The following ANKFN1 variants were observed in gnomAD, a reference collection of about 807,000 sequenced individuals.
The protein encoded by ANKFN1 is ankyrin repeat and fibronectin type III domain containing 1.
Under a neutral mutation model 108.7 loss-of-function variants are expected in ANKFN1, and 74 were observed. That is an observed-to-expected ratio of 0.68 (90% CI 0.56 to 0.83). ANKFN1 has a LOEUF of 0.83. Ranked by LOEUF, ANKFN1 falls within the 40% of genes least tolerant of loss-of-function variation. The pLI is 0.00. For missense variants in ANKFN1, 1,505 were observed against 1,382.3 expected (o/e 1.09, Z -1.41); for synonymous variants, 547 against 516.2 (o/e 1.06, Z -0.81).
chr17:56,354,140 G>A (rs1020706404), intron 6 of ANKFN1, 94 bp downstream of exon 6: 2 of 1,215,110 alleles, frequency 1.6e-6, no homozygotes, highest in Non-Finnish European at 2.3e-6. Context: ...GAGCAGGAAT[G>A]GTTGACTAAG....
chr17:56,127,505 G>T (rs1392147383), intron 4 of ANKFN1, among the ~76,000 whole-genome samples: 1 of 152,006 alleles, frequency 6.6e-6, no homozygotes, highest in African/African-American at 2.4e-5. Flanking sequence ...GTAGAGACGG[G>T]GTTTTGCCAT....
chr17:56,227,950 A>C lies in ANKFN1; in HGVS notation c.46A>C (p.Ser16Arg), dbSNP rs1432659504. 6.2e-7 allele frequency: 1 copy of C among 1,606,358 alleles called. No individual in the cohort carries two copies. The highest frequency in any genetic ancestry group is 8.5e-7 in the Non-Finnish European group (1 of 1,177,698). The change falls in exon 3 of 21, where the codon AGC (serine) becomes CGC (arginine). Residue 16 changes from serine (S) to arginine (R), a missense_variant. Physicochemically the swap from Ser to Arg is moderately radical, Grantham distance 110. Coordinates refer to ENST00000682825, the MANE Select transcript of ANKFN1 (RefSeq NM_001370326.1). ...LLFKDRHFTC[S>R]KIIGRRFACF... ...CTTTAAAGACAGGCATTTTACTTGC[A>C]GCAAAATGTAAGTACATTTCCTCCT...
intron 4 of ANKFN1, among the ~76,000 whole-genome samples, chr17:56,099,384 A>G (rs546664617): frequency 6.6e-6 from 1 of 152,288 alleles, no homozygotes; most frequent in African/African-American, 2.4e-5. Context: ...AGTTGGTACT[A>G]TCTTAGAATT....
intron 4 of ANKFN1, among the ~76,000 whole-genome samples, chr17:56,073,896 A>G (rs1905148889): frequency 6.6e-6 from 1 of 152,190 alleles, no homozygotes; most frequent in Non-Finnish European, 1.5e-5. Context: ...TGATTTGTGT[A>G]TCTATCCATT....
intron 8 of ANKFN1, among the ~76,000 whole-genome samples, chr17:56,406,463 CAA>C (rs1054740931): frequency 1.3e-5 from 2 of 152,010 alleles, no homozygotes; most frequent in Non-Finnish European, 2.9e-5. Flanking sequence ...TAAATTTCCC[CAA>C]AAGAGTCTTT....
intron 3 of ANKFN1, chr17:56,323,232 A>G (rs908170141): frequency 6.6e-6 from 1 of 152,206 alleles, no homozygotes; most frequent in African/African-American, 2.4e-5. Flanking sequence ...GGGGAGGAGT[A>G]GAAGGAAAGA....
At chr17:56,303,851 ATTTTTT>A (rs34077118) in intron 3 of ANKFN1, among the ~76,000 whole-genome samples, 2 of 131,944 alleles carry the variant, frequency 1.5e-5, no homozygotes, top group African/African-American at 2.9e-5. Flanking sequence ...CGCTGAGCCA[ATTTTTT>A]TTTTTTTTTT....
chr17:56,397,227 T>A (rs1392865188), intron 8 of ANKFN1, among the ~76,000 whole-genome samples: 1 of 152,060 alleles, frequency 6.6e-6, no homozygotes, highest in Non-Finnish European at 1.5e-5. Flanking sequence ...CAGGAACACA[T>A]CCATGAATGC....
chr17:56,152,265 TG>T (rs879707263), upstream of ANKFN1, among the ~76,000 whole-genome samples: 1 of 61,830 alleles, frequency 1.6e-5, no homozygotes, highest in Non-Finnish European at 4.6e-5. Context: ...TATATATATG[TG>T]TGTGTGTGTG....
At chr17:56,407,189 A>G (rs937904888) in intron 8 of ANKFN1, among the ~76,000 whole-genome samples, 5 of 152,194 alleles carry the variant, frequency 3.3e-5, no homozygotes, top group Admixed American at 2.6e-4. Context: ...CAAAATCTGT[A>G]TCTGATTAAA....
chr17:56,218,407 A>C (rs1215530385), intron 2 of ANKFN1, among the ~76,000 whole-genome samples: 1 of 152,158 alleles, frequency 6.6e-6, no homozygotes, highest in Non-Finnish European at 1.5e-5. Context: ...TGGCTTTCAG[A>C]ATAATGTTCA....
chr17:56,317,173 TA>T lies in ANKFN1; in HGVS notation c.54-9047del, dbSNP rs576369014. Among the ~76,000 whole-genome samples, 29 of 152,290 alleles carry T rather than the reference TA, an allele frequency of 1.9e-4. No individual in the cohort carries two copies. In the East Asian group the frequency reaches 5.6e-3, roughly 29 times the overall value. On this transcript the variant is annotated intron_variant, in intron 3 of 20. Coordinates refer to ENST00000682825, the MANE Select transcript of ANKFN1 (RefSeq NM_001370326.1). Reference sequence around the variant, plus strand: ...ATGGCTTCTTGACATCATAACATGTTAGAGCTAGAAGTGACTTTCAACGTCA... The same window carrying T: ...ATGGCTTCTTGACATCATAACATGTTGAGCTAGAAGTGACTTTCAACGTCA...
At chr17:56,071,816 T>G (rs1905124273) in intron 4 of ANKFN1, among the ~76,000 whole-genome samples, 2 of 152,182 alleles carry the variant, frequency 1.3e-5, no homozygotes, top group African/African-American at 4.8e-5. Flanking sequence ...AGAAATGGAT[T>G]TAGACTCTAA....
intron 15 of ANKFN1, among the ~76,000 whole-genome samples, chr17:56,469,815 G>A (rs931029873): frequency 7.9e-5 from 12 of 151,282 alleles, no homozygotes; most frequent in African/African-American, 2.9e-4. Context: ...AAGTTCCAGG[G>A]TACAAGTGCA....
intron 4 of ANKFN1, among the ~76,000 whole-genome samples, chr17:56,125,483 A>G (rs1906868368): frequency 1.3e-5 from 2 of 152,224 alleles, no homozygotes; most frequent in Non-Finnish European, 2.9e-5. Context: ...AAGGGTGAGT[A>G]GGACTTCCAT....
At chr17:56,392,880 G>T (rs1489394443) in intron 8 of ANKFN1, among the ~76,000 whole-genome samples, 1 of 151,912 alleles carries the variant, frequency 6.6e-6, no homozygotes, top group Non-Finnish European at 1.5e-5. Flanking sequence ...TATATGCCTC[G>T]CATTGTGCCA....
intron 8 of ANKFN1, among the ~76,000 whole-genome samples, chr17:56,413,089 G>A (rs572440715): frequency 2.0e-4 from 30 of 152,168 alleles, no homozygotes; most frequent in East Asian, 3.9e-4. Flanking sequence ...GCCTCGAAGC[G>A]TAACATTAGG....
At chr17:56,412,613 G>A (rs1230308294) in intron 8 of ANKFN1, among the ~76,000 whole-genome samples, 1 of 152,154 alleles carries the variant, frequency 6.6e-6, no homozygotes, top group Non-Finnish European at 1.5e-5. Context: ...GATGCTTCTT[G>A]CCCTGGAACA....
At chr17:56,071,677 A>C (rs1165810459) in intron 4 of ANKFN1, among the ~76,000 whole-genome samples, 6 of 152,204 alleles carry the variant, frequency 3.9e-5, no homozygotes, top group Non-Finnish European at 8.8e-5. Context: ...CAAAAACATT[A>C]TATCCATCTC....
Sources: gnomAD v4.1 joint callset for allele counts (sites outside exome capture counted in the v4.1 genomes callset) on GRCh38, gnomAD v4.1.1 for gene constraint, MANE v1.5 for transcripts, NCBI Gene and HGNC (gene_info 2026-07-23, HGNC 2026-07-21) for gene names.